Variants in COMT observed in about 807,000 individuals in gnomAD.
COMT encodes the protein catechol-O-methyltransferase, also known as catechol O-methyltransferase.
A neutral mutation model predicts 18.9 loss-of-function variants in COMT; 13 were observed. The observed-to-expected ratio is 0.69, with a 90% CI of 0.45 to 1.09. The LOEUF is 1.09. Ranked by LOEUF, COMT falls within the 50% of genes least tolerant of loss-of-function variation. COMT has a pLI of 0.00. For missense variants in COMT, 329 were observed against 361.8 expected (o/e 0.91, Z 0.73); for synonymous variants, 150 against 160.9 (o/e 0.93, Z 0.51).
intron 2 of COMT, 176 bp from the exon 3 acceptor site, chr22:19,962,351 G>A (rs925832481): frequency 3.8e-5 from 44 of 1,172,050 alleles, no homozygotes; most frequent in Non-Finnish European, 4.8e-5. Flanking sequence ...CAGAGGGCAC[G>A]AGAAGGCTGG....
chr22:19,943,732 G>A (rs892195778), intron 1 of COMT, among the ~76,000 whole-genome samples: 1 of 152,078 alleles, frequency 6.6e-6, no homozygotes, highest in Non-Finnish European at 1.5e-5. Context: ...CCCAGTTTTT[G>A]AGCCTACAGG....
At position 19,957,901 on chromosome 22, in the gene COMT, C is replaced by T. The variant is rs552458800; in HGVS notation, c.-91-3298C>T. On this transcript the variant is annotated intron_variant, in intron 1 of 5. Coordinates refer to ENST00000361682, the MANE Select transcript of COMT (RefSeq NM_000754.4). ...ATTCATTTTAATAACTGAATCATAC[C>T]TCATTGTATGGCTCTACCATGTTTT... Among the ~76,000 whole-genome samples, 7 of 152,274 alleles carry T rather than the reference C, an allele frequency of 4.6e-5. No individual in the cohort carries two copies. The South Asian group carries it at 1.5e-3, about 32-fold the overall frequency.
intron 5 of COMT, chr22:19,967,405 T>C (rs1413547786): frequency 8.4e-6 from 4 of 476,290 alleles, no homozygotes; most frequent in African/African-American, 2.0e-5. Flanking sequence ...TTTTTTTTTT[T>C]TCTAAATGAA....
At chr22:19,963,900 C>T in intron 4 of COMT, 141 bp downstream of exon 4, 1 of 1,244,048 alleles carries the variant, frequency 8.0e-7, no homozygotes, top group Non-Finnish European at 1.1e-6. Context: ...CAGTGCTTCC[C>T]AGCCTGGGGC....
At chr22:19,968,314 A>C (rs1942534862) in intron 5 of COMT, among the ~76,000 whole-genome samples, 1 of 152,186 alleles carries the variant, frequency 6.6e-6, no homozygotes. Context: ...TTGATGAGAG[A>C]AAGGTCCCTG....
chr22:19,962,745 G>A lies in COMT; in HGVS notation c.219G>A (p.Gln73=), dbSNP rs740602. The A allele has an allele frequency of 0.014, 23,159 of 1,613,482 alleles. 1,302 individuals carry two copies. The African/African-American group carries it at 0.18, about 13-fold the overall frequency. Residue 73 remains glutamine (Q), a synonymous_variant, in exon 3 of 6, where the codon CAG becomes CAA. Transcript: ENST00000361682. Reference sequence around the variant, plus strand: ...AGCATGCGGAGCCCGGGAACGCACAGAGCGTGCTGGAGGCCATTGACACCT... The same window carrying A: ...AGCATGCGGAGCCCGGGAACGCACAAAGCGTGCTGGAGGCCATTGACACCT... ...VLQHAEPGNA[Q]SVLEAIDTYC... is the part of the protein sequence containing the mutation.
chr22:19,966,268 T>TAG (rs1942383004), intron 5 of COMT, among the ~76,000 whole-genome samples: 1 of 152,034 alleles, frequency 6.6e-6, no homozygotes, highest in Non-Finnish European at 1.5e-5. Context: ...TGTGAGGGTC[T>TAG]AGCCATCCCC....
rs1441552919 is a variant in COMT at position 19,963,769 on chromosome 22, C to A, written c.483+10C>A. 2 of 1,608,480 alleles carry A rather than the reference C, an allele frequency of 1.2e-6. No homozygotes were observed. The highest frequency in any genetic ancestry group is 2.2e-5 in the East Asian group (1 of 44,832). ...TGGCGTGAAGGACAAGGTGTGCATG[C>A]CTGACCCGTTGTCAGACCTGGAAAA... On this transcript the variant is annotated intron_variant, in intron 4 of 5. Transcript: ENST00000361682.
At chr22:19,962,375 A>G (rs1942212124) in intron 2 of COMT, 152 bp from the exon 3 acceptor site, 1 of 1,383,212 alleles carries the variant, frequency 7.2e-7, no homozygotes. Context: ...CCTGGCGCTG[A>G]CACGTCAGGC....
intron 1 of COMT, among the ~76,000 whole-genome samples, chr22:19,945,095 G>A (rs1941814844): frequency 6.6e-6 from 1 of 152,140 alleles, no homozygotes; most frequent in Non-Finnish European, 1.5e-5. Flanking sequence ...CTTTTAATAG[G>A]GAATCTTAGA....
intron 1 of COMT, among the ~76,000 whole-genome samples, chr22:19,960,558 G>T (rs1027460967): frequency 6.6e-6 from 1 of 152,094 alleles, no homozygotes; most frequent in Non-Finnish European, 1.5e-5. Context: ...GTCCTGCCCC[G>T]CTGGGAAACA....
chr22:19,950,602 G>T (rs1941914529), intron 1 of COMT, among the ~76,000 whole-genome samples: 1 of 152,166 alleles, frequency 6.6e-6, no homozygotes, highest in African/African-American at 2.4e-5. Flanking sequence ...GAAGCCTAAA[G>T]TTCCAGGGAC....
At chr22:19,945,269 T>C (rs939579663) in intron 1 of COMT, among the ~76,000 whole-genome samples, 1 of 152,216 alleles carries the variant, frequency 6.6e-6, no homozygotes, top group African/African-American at 2.4e-5. Flanking sequence ...TGGAAGTGAC[T>C]TTCCTTACTC....
intron 5 of COMT, among the ~76,000 whole-genome samples, chr22:19,965,983 C>T (rs1276882130): frequency 1.3e-5 from 2 of 152,248 alleles, no homozygotes; most frequent in African/African-American, 2.4e-5. Flanking sequence ...GCTGGGCCTG[C>T]GTTACTGCGG....
At chr22:19,952,171 G>A (rs1016615573) in intron 1 of COMT, among the ~76,000 whole-genome samples, 19 of 152,160 alleles carry the variant, frequency 1.2e-4, no homozygotes, top group South Asian at 2.1e-4. Context: ...CAGGCACTGC[G>A]GCATGCCCCT....
At chr22:19,954,403 A>G (rs778729391) in intron 1 of COMT, among the ~76,000 whole-genome samples, 14 of 152,198 alleles carry the variant, frequency 9.2e-5, no homozygotes, top group East Asian at 5.8e-4. Flanking sequence ...CACCTCTGCC[A>G]TGGTCGGATG....
At position 19,967,017 on chromosome 22, in the gene COMT, T is replaced by C. The variant is rs557593950; in HGVS notation, c.616-1519T>C. The C allele has an allele frequency of 2.4e-5, 29 of 1,199,716 alleles. No individual in the cohort carries two copies. The African/African-American group carries it at 3.7e-4, about 15-fold the overall frequency. 74.3% of individuals were successfully genotyped at this position (1,199,716 alleles called of 1,614,324 possible). On this transcript the variant is annotated intron_variant, in intron 5 of 5. Transcript: ENST00000361682. ...GTGGTCTGAGTAGCTGGTAGGAGGC[T>C]TGCAGTGTCGGGCGACAGGCAGGAC...
intron 3 of COMT, 117 bp downstream of exon 3, chr22:19,962,932 T>G: frequency 7.6e-7 from 1 of 1,316,512 alleles, no homozygotes; most frequent in Non-Finnish European, 1.0e-6. Context: ...AACCCTGGGA[T>G]ATGCCCAGAT....
intron 5 of COMT, chr22:19,967,406 T>C (rs1182359017): frequency 4.2e-6 from 2 of 474,252 alleles, no homozygotes; most frequent in Non-Finnish European, 8.6e-6. Context: ...TTTTTTTTTT[T>C]CTAAATGAAA....
Sources: gnomAD v4.1 joint callset for allele counts (sites outside exome capture counted in the v4.1 genomes callset) on GRCh38, gnomAD v4.1.1 for gene constraint, MANE v1.5 for transcripts, NCBI Gene and HGNC (gene_info 2026-07-23, HGNC 2026-07-21) for gene names.